The following EFNA1 variants were observed in gnomAD, a reference collection of about 807,000 sequenced individuals.
EFNA1 encodes ephrin A1.
EFNA1 carries 8 observed loss-of-function variants against 23.2 expected under a neutral mutation model. The observed-to-expected ratio is 0.34, with a 90% CI of 0.20 to 0.62. The LOEUF is 0.62. Among genes scored for constraint, EFNA1 ranks in the 20% least tolerant of loss-of-function variants. EFNA1 has a pLI of 0.75. For missense variants in EFNA1, 217 were observed against 260.0 expected, an observed-to-expected ratio of 0.83 and a Z score of 1.14; for synonymous variants, 89 against 98.6, an observed-to-expected ratio of 0.90 and a Z score of 0.58.
At chr1:155,128,711 G>A (rs544972977) in intron 1 of EFNA1, among the ~76,000 whole-genome samples, 4 of 152,180 alleles carry the variant, frequency 2.6e-5, no homozygotes, top group Non-Finnish European at 5.9e-5. Flanking sequence ...GCTGGGAGAG[G>A]GAGATCATGG....
intron 2 of EFNA1, among the ~76,000 whole-genome samples, chr1:155,132,126 TGAG>T (rs1664250715): frequency 6.6e-6 from 1 of 151,950 alleles, no homozygotes; most frequent in African/African-American, 2.4e-5. Flanking sequence ...ACACAGGAAG[TGAG>T]GAGATGTGAG....
intron 4 of EFNA1, 44 bp downstream of exon 4, chr1:155,133,824 C>G: frequency 6.2e-7 from 1 of 1,612,394 alleles, no homozygotes; most frequent in Non-Finnish European, 8.5e-7. Flanking sequence ...AGGAAGGGGT[C>G]TGCTTGAAGA....
At chr1:155,131,295 C>A in intron 1 of EFNA1, 44 bp from the exon 2 acceptor site, 1 of 1,577,718 alleles carries the variant, frequency 6.3e-7, no homozygotes. Context: ...TCTGGCCTGG[C>A]TTCTGAATGA....
intron 2 of EFNA1, among the ~76,000 whole-genome samples, chr1:155,132,424 T>G (rs1664260068): frequency 6.6e-6 from 1 of 151,936 alleles, no homozygotes; most frequent in Admixed American, 6.6e-5. Context: ...AATTTTGTAT[T>G]TTTAGTAGAG....
rs768044198 is a variant in EFNA1, at chr1:155,127,946, C to T, written c.-32C>T. The stretch of plus-strand genomic sequence containing the variant: ...GGAACCCAGACCCATAGGAGACCCG[C>T]GTCCCCGCTCGGCCTGGCCAGGCCC... On this transcript the variant is annotated 5_prime_UTR_variant, in exon 1 of 5. Coordinates refer to ENST00000368407, the MANE Select transcript of EFNA1 (RefSeq NM_004428.3). The surrounding 1 kb of genome is among the most constrained non-coding windows in gnomAD (Gnocchi z 4.4). 1.9e-6 allele frequency: 3 copies of T among 1,580,104 alleles called. No homozygotes were observed. Among genetic ancestry groups the T allele is most frequent in the Non-Finnish European group, 2.6e-6 (3 of 1,153,754 alleles).
At chr1:155,129,213 C>T (rs1410779940) in intron 1 of EFNA1, among the ~76,000 whole-genome samples, 5 of 152,170 alleles carry the variant, frequency 3.3e-5, no homozygotes, top group Non-Finnish European at 5.9e-5. Flanking sequence ...GCCTCCTTGA[C>T]CTGATGCATC....
At chr1:155,131,253 A>G in intron 1 of EFNA1, 86 bp from the exon 2 acceptor site, 3 of 1,491,180 alleles carry the variant, frequency 2.0e-6, no homozygotes, top group Non-Finnish European at 2.7e-6. Context: ...GTGAAATGTG[A>G]GAGGTCATGT....
intron 4 of EFNA1, 86 bp downstream of exon 4, chr1:155,133,866 G>A: frequency 6.2e-7 from 1 of 1,603,180 alleles, no homozygotes; most frequent in Non-Finnish European, 8.5e-7. Flanking sequence ...CCTTTACCAG[G>A]CTGAGGCTGA....
In EFNA1 at chr1:155,129,306, C is replaced by T. The variant is rs537478086; in HGVS notation, c.92+1237C>T. Among the ~76,000 whole-genome samples, 9 of 152,174 alleles carry T rather than the reference C, an allele frequency of 5.9e-5. No individual in the cohort carries two copies. In the South Asian group the frequency reaches 1.9e-3, roughly 32 times the overall value. On this transcript the variant is annotated intron_variant, in intron 1 of 4. Coordinates refer to ENST00000368407, the MANE Select transcript of EFNA1 (RefSeq NM_004428.3). ...GGAGGAGGAGGAGGGGACAGGAAGC[C>T]ATGAGTAGGGAGGGGGGGACCCTGG...
chr1:155,128,795 T>C (rs1664153954), intron 1 of EFNA1, among the ~76,000 whole-genome samples: 1 of 152,180 alleles, frequency 6.6e-6, no homozygotes, highest in South Asian at 2.1e-4. Flanking sequence ...TAATTTCTCC[T>C]GGGCAGGTTT....
chr1:155,130,635 A>G, intron 1 of EFNA1: 3 of 985,266 alleles, frequency 3.0e-6, no homozygotes, highest in Non-Finnish European at 3.6e-6. Flanking sequence ...TGAGAAGGGG[A>G]AAAGGAGACC....
At chr1:155,128,506 A>G (rs1448886135) in intron 1 of EFNA1, among the ~76,000 whole-genome samples, 1 of 152,160 alleles carries the variant, frequency 6.6e-6, no homozygotes, top group African/African-American at 2.4e-5. Context: ...AGAATGCTCA[A>G]GGTAACCCTG....
chr1:155,130,912 G>A, intron 1 of EFNA1: 4 of 985,392 alleles, frequency 4.1e-6, no homozygotes, highest in Non-Finnish European at 4.8e-6. Context: ...TCTGATTACA[G>A]AATGGACCTG....
chr1:155,129,323 G>A (rs970347473), intron 1 of EFNA1, among the ~76,000 whole-genome samples: 2 of 152,048 alleles, frequency 1.3e-5, no homozygotes, highest in African/African-American at 2.4e-5. Flanking sequence ...AGGGAGGGGG[G>A]GACCCTGGCC....
chr1:155,129,339 C>T (rs567351267), intron 1 of EFNA1, among the ~76,000 whole-genome samples: 21 of 152,064 alleles, frequency 1.4e-4, no homozygotes, highest in Non-Finnish European at 2.5e-4. Flanking sequence ...TGGCCTTTTC[C>T]GTTCCCAAGC....
At chr1:155,128,706 G>A (rs1465883503) in intron 1 of EFNA1, among the ~76,000 whole-genome samples, 1 of 152,224 alleles carries the variant, frequency 6.6e-6, no homozygotes, top group Non-Finnish European at 1.5e-5. Flanking sequence ...GAAGAGCTGG[G>A]AGAGGGAGAT....
chr1:155,129,309 G>A (rs753655984), intron 1 of EFNA1, among the ~76,000 whole-genome samples: 2 of 152,232 alleles, frequency 1.3e-5, no homozygotes, highest in South Asian at 4.1e-4. Context: ...AGGAAGCCAT[G>A]AGTAGGGAGG....
At position 155,134,294 on chromosome 1, in the gene EFNA1, G is replaced by A; in HGVS notation, c.*227G>A. 3.5e-6 allele frequency: 2 copies of A among 573,692 alleles called. No individual in the cohort carries two copies. Among genetic ancestry groups the A allele is most frequent in the Admixed American group, 6.0e-5 (2 of 33,160 alleles). The allele number at this position is 573,692 out of a possible 1,614,324, so 35.5% of individuals were successfully genotyped here. ...TCCCCACCTTCACCTCGGAGGGATG[G>A]AGAAAGAAGTGGAGACAGTCCTTTC... On this transcript the variant is annotated 3_prime_UTR_variant, in exon 5 of 5. Transcript: ENST00000368407.
intron 2 of EFNA1, among the ~76,000 whole-genome samples, chr1:155,132,918 G>T (rs201148054): frequency 7.1e-6 from 1 of 141,644 alleles, no homozygotes; most frequent in East Asian, 2.4e-4. Context: ...TTGTTTTTTT[G>T]TTTTTTTTCT....
Sources: allele counts gnomAD v4.1 joint callset (sites outside exome capture counted in the v4.1 genomes callset), GRCh38; gene constraint gnomAD v4.1.1; non-coding constraint Gnocchi (gnomAD v3.1); transcripts MANE v1.5; gene names NCBI Gene and HGNC (gene_info 2026-07-23, HGNC 2026-07-21).